The following VPS13C variants were observed in gnomAD, a reference collection of about 807,000 sequenced individuals.
The protein encoded by VPS13C is intermembrane lipid transfer protein VPS13C.
In VPS13C, 358 loss-of-function variants were observed where a neutral mutation model predicts 456.8. The ratio of observed to expected loss-of-function variants is 0.78; its 90% CI spans 0.72 to 0.86. The LOEUF (loss-of-function observed/expected upper bound fraction) is 0.86. Among genes scored for constraint, VPS13C ranks in the 40% least tolerant of loss-of-function variants. The pLI is 0.00. For synonymous variants in VPS13C, 1,578 were observed against 1,486.7 expected (o/e 1.06, Z -1.41); for missense variants, 4,818 against 4,385.4 (o/e 1.10, Z -2.79).
Position 61,867,646 on chromosome 15 carries a change from T to C in VPS13C, c.10863+1013A>G. 7 of 1,196,806 alleles carry C rather than the reference T, an allele frequency of 5.8e-6. No individual in the cohort carries two copies. Among genetic ancestry groups the C allele is most frequent in the Non-Finnish European group, 7.3e-6 (7 of 963,280 alleles). 74.1% of individuals were successfully genotyped at this position (1,196,806 alleles called of 1,614,324 possible). A position where few individuals can be genotyped will look rare whatever the true frequency, so the allele number is the denominator to read the frequency against. On this transcript the variant is annotated intron_variant, in intron 81 of 84. Transcript: ENST00000644861. This position sits in a 1 kb window ranked among gnomAD's most constrained non-coding sequence, Gnocchi z 5.0. ...AAATGATAGTAACAGTATCTGCTTC[T>C]GAGCTCAATAAAGGCTTTCATCTAT...
intron 1 of VPS13C, among the ~76,000 whole-genome samples, chr15:62,056,669 G>A (rs912953427): frequency 6.6e-6 from 1 of 152,086 alleles, no homozygotes; most frequent in Non-Finnish European, 1.5e-5. Context: ...TTATCCGGAG[G>A]CCTAACCGTC....
At chr15:61,872,576 T>C (rs1895115179) in intron 78 of VPS13C, among the ~76,000 whole-genome samples, 1 of 152,102 alleles carries the variant, frequency 6.6e-6, no homozygotes, top group Non-Finnish European at 1.5e-5. Flanking sequence ...CCTGAAATTA[T>C]TTCCAAAATT....
chr15:61,961,071 A>T (rs1230253221), intron 35 of VPS13C, among the ~76,000 whole-genome samples: 1 of 151,192 alleles, frequency 6.6e-6, no homozygotes, highest in Non-Finnish European at 1.5e-5. Context: ...ACAGAGCAAG[A>T]CTTCATCTCA....
chr15:62,059,815 A>T (rs1364090192), intron 1 of VPS13C, among the ~76,000 whole-genome samples: 1 of 152,216 alleles, frequency 6.6e-6, no homozygotes, highest in East Asian at 1.9e-4. Context: ...GCTCCCTGTA[A>T]AATGATAGTG....
Position 61,918,249 on chromosome 15 carries a change from GT to G in VPS13C, c.7646del (p.Asn2549ThrfsTer24). On this transcript the variant is annotated frameshift_variant, in exon 59 of 85. Coordinates refer to ENST00000644861, the MANE Select transcript of VPS13C (RefSeq NM_020821.3). LOFTEE classifies it high-confidence loss of function. ...ITLRSPLQIKNHFSIAFIIYK... is the reference protein window; with the variant it reads ...ITLRSPLQIKXHFSIAFIIYK... ...AGATGATAAATGCAATGGAGAAATG[GT>G]TTTTGATCTGTTGGACAAAAAAAAA... 6.4e-7 allele frequency: 1 copy of G among 1,556,230 alleles called. No homozygotes were observed. The highest frequency in any genetic ancestry group is 2.3e-5 in the East Asian group (1 of 42,600).
chr15:61,909,965 T>C (rs1009367021), intron 64 of VPS13C, among the ~76,000 whole-genome samples: 1 of 89,548 alleles, frequency 1.1e-5, no homozygotes, highest in Non-Finnish European at 2.1e-5. Flanking sequence ...CATCACACAC[T>C]GGGGCCTGTT....
At chr15:61,949,013 T>C (rs1596370267) in intron 42 of VPS13C, among the ~76,000 whole-genome samples, 1 of 152,204 alleles carries the variant, frequency 6.6e-6, no homozygotes, top group Admixed American at 6.5e-5. Flanking sequence ...GTCTATTCCA[T>C]GAGCTCCTTC....
intron 15 of VPS13C, among the ~76,000 whole-genome samples, chr15:62,004,436 A>G (rs1230227761): frequency 2.6e-5 from 4 of 151,612 alleles, no homozygotes; most frequent in Non-Finnish European, 5.9e-5. Flanking sequence ...TCTTGCTAGC[A>G]GTCTATCAAT....
chr15:61,889,514 A>T (rs1361415938), intron 67 of VPS13C, among the ~76,000 whole-genome samples: 1 of 152,126 alleles, frequency 6.6e-6, no homozygotes, highest in Non-Finnish European at 1.5e-5. Context: ...CATTCCACCC[A>T]TCAGCCTCTA....
rs1352451145 is a variant in VPS13C, at chr15:61,880,960, A to G, written c.9777-6T>C. On this transcript the variant is annotated splice_polypyrimidine_tract_variant and splice_region_variant and intron_variant, in intron 71 of 84. Transcript: ENST00000644861. ...GAATGAGGACCATAAAATACCTAAG[A>G]AAAAAAATTTAAAATGGAAAAGGAT... The G allele has an allele frequency of 2.5e-6, 4 of 1,569,058 alleles. 1 individual carries two copies. The highest frequency in any genetic ancestry group is 3.5e-4 in the Middle Eastern group (2 of 5,782).
rs113570828 is a variant in VPS13C, at chr15:61,890,182, G to A, written c.9324C>T (p.Ser3108=). ...TTGCATACCTGGTTATCCCAATATA[G>A]GAAACTTCCTGCTTGCTTTCATTGT... ...LVNNESKQEV[S]YIGITSSGVV... is the part of the protein sequence containing the mutation. Residue 3108 remains serine, a synonymous_variant, in exon 67 of 85, where the codon TCC becomes TCT. Coordinates refer to ENST00000644861, the MANE Select transcript of VPS13C (RefSeq NM_020821.3). 6.8e-6 allele frequency: 11 copies of A among 1,613,916 alleles called. No individual in the cohort carries two copies. The African/African-American group carries it at 8.0e-5, about 12-fold the overall frequency.
chr15:61,930,971 G>T, intron 50 of VPS13C, 119 bp downstream of exon 50: 2 of 1,160,742 alleles, frequency 1.7e-6, no homozygotes, highest in South Asian at 2.6e-5. Flanking sequence ...TTCAAATCAG[G>T]AAGTATGACC....
At chr15:61,895,387 CA>C (rs1186418629) in intron 66 of VPS13C, among the ~76,000 whole-genome samples, 4 of 151,246 alleles carry the variant, frequency 2.6e-5, no homozygotes, top group Non-Finnish European at 5.9e-5. Context: ...AAAATTGAGA[CA>C]AAAAAATACA....
At chr15:62,052,877 G>C (rs1395112615) in intron 1 of VPS13C, among the ~76,000 whole-genome samples, 2 of 151,958 alleles carry the variant, frequency 1.3e-5, no homozygotes, top group Admixed American at 1.3e-4. Flanking sequence ...AGGAAGTTTT[G>C]ACAAAGGAAG....
intron 28 of VPS13C, among the ~76,000 whole-genome samples, chr15:61,967,977 C>A (rs543090271): frequency 6.6e-6 from 1 of 152,102 alleles, no homozygotes; most frequent in African/African-American, 2.4e-5. Context: ...TCTTTTAACT[C>A]TTGCTTCTGA....
intron 66 of VPS13C, among the ~76,000 whole-genome samples, chr15:61,896,663 C>T (rs1240499225): frequency 2.0e-5 from 3 of 152,182 alleles, no homozygotes; most frequent in African/African-American, 4.8e-5. Flanking sequence ...AAGGCGGCAG[C>T]GAGGCTGGGG....
intron 16 of VPS13C, among the ~76,000 whole-genome samples, chr15:61,993,578 C>T (rs1162991929): frequency 2.0e-5 from 3 of 151,840 alleles, no homozygotes; most frequent in African/African-American, 7.3e-5. Context: ...GATCAGCATG[C>T]TACAAATTTC....
At chr15:61,902,231 T>G (rs896853294) in intron 66 of VPS13C, among the ~76,000 whole-genome samples, 5 of 150,226 alleles carry the variant, frequency 3.3e-5, no homozygotes, top group Non-Finnish European at 5.9e-5. Context: ...CTGCACAATG[T>G]GCACATGTAC....
chr15:61,894,820 G>A (rs80262779), intron 66 of VPS13C, among the ~76,000 whole-genome samples: 1,767 of 152,226 alleles, frequency 0.012, 43 homozygotes, highest in African/African-American at 0.041. Context: ...CTCAGTAATA[G>A]AGAGATCATC....
Sources: gnomAD v4.1 joint callset for allele counts (sites outside exome capture counted in the v4.1 genomes callset) on GRCh38, gnomAD v4.1.1 for gene constraint, Gnocchi (gnomAD v3.1) non-coding constraint, MANE v1.5 for transcripts, NCBI Gene and HGNC (gene_info 2026-07-23, HGNC 2026-07-21) for gene names.